Variants in CARMIL2 observed in about 807,000 individuals in gnomAD.
CARMIL2 encodes the protein capping protein regulator and myosin 1 linker 2, also known as capping protein, Arp2/3 and myosin-I linker protein 2.
A neutral mutation model predicts 173.3 loss-of-function variants in CARMIL2; 96 were observed. The ratio of observed to expected loss-of-function variants is 0.55; its 90% confidence interval spans 0.47 to 0.66. The LOEUF (loss-of-function observed/expected upper bound fraction) is 0.66, where lower values mean the gene tolerates loss of function less well. Among genes scored for constraint, CARMIL2 ranks in the 30% least tolerant of loss-of-function variants. CARMIL2 has a pLI of 0.00. For missense variants in CARMIL2, 1,771 were observed against 1,906.7 expected, an observed-to-expected ratio of 0.93 and a Z score of 1.33; for synonymous variants, 830 against 817.1, an observed-to-expected ratio of 1.02 and a Z score of -0.27.
At position 67,647,574 on chromosome 16, in the gene CARMIL2, C is replaced by T. The variant is rs2052619414; in HGVS notation, c.843C>T (p.Ser281=). Residue 281 remains serine (S), a synonymous_variant, in exon 11 of 38, where the codon AGC becomes AGT. Transcript: ENST00000334583. ...CAAGCTCTGGGCTGCGGGAGCTCAGCCTCGCGGGGAACCTGCTGGATGACC... is the reference window on the plus strand; with the variant it reads ...CAAGCTCTGGGCTGCGGGAGCTCAGTCTCGCGGGGAACCTGCTGGATGACC... The part of the protein sequence containing the change: ...GHSSSGLREL[S]LAGNLLDDRG... 4.3e-6 allele frequency: 7 copies of T among 1,611,120 alleles called. No homozygotes were observed. The highest frequency in any genetic ancestry group is 4.2e-6 in the Non-Finnish European group (5 of 1,178,894).
At chr16:67,647,236 G>T in intron 9 of CARMIL2, 45 bp downstream of exon 9, 1 of 1,611,986 alleles carries the variant, frequency 6.2e-7, no homozygotes, top group East Asian at 2.2e-5. Context: ...AAGGGTGTGG[G>T]CCAGGGTGCA....
At chr16:67,655,571 A>G (rs971411681) in intron 32 of CARMIL2, among the ~76,000 whole-genome samples, 1 of 151,990 alleles carries the variant, frequency 6.6e-6, no homozygotes, top group Non-Finnish European at 1.5e-5. Flanking sequence ...CCACCTTAAA[A>G]CCTCACTGCT....
At position 67,651,508 on chromosome 16, in the gene CARMIL2, C is replaced by A. The variant is rs1373857070; in HGVS notation, c.2421C>A (p.Asp807Glu). The change falls in exon 24 of 38, where the codon GAC becomes GAA. Residue 807 changes from aspartate (D) to glutamate (E), a missense_variant. Transcript: ENST00000334583. The surrounding 1 kb of genome is among the most constrained non-coding windows in gnomAD (Gnocchi z 4.2). The part of the protein sequence containing the change: ...LRQVGEVCRQ[D>E]IQDFTQATLD... ...AGGTGGGCGAGGTCTGCCGCCAGGACATCCAGGTGAGAGGGTACTCCTGCC... is the reference window on the plus strand; with the variant it reads ...AGGTGGGCGAGGTCTGCCGCCAGGAAATCCAGGTGAGAGGGTACTCCTGCC... The A allele has an allele frequency of 1.3e-6, 2 of 1,586,576 alleles. No individual in the cohort carries two copies. Among genetic ancestry groups the A allele is most frequent in the South Asian group, 1.2e-5 (1 of 86,238 alleles).
rs2052879280 is a variant in CARMIL2, at chr16:67,657,161, G to A, written c.4118-78G>A. Reference sequence around the variant, plus strand: ...GTGTGAGTGCATGCTTATGTGCACTGGAGGTGGAAGAGAGGGGCAGGGGAT... The same window carrying A: ...GTGTGAGTGCATGCTTATGTGCACTAGAGGTGGAAGAGAGGGGCAGGGGAT... On this transcript the variant is annotated intron_variant, in intron 36 of 37. Coordinates refer to ENST00000334583, the MANE Select transcript of CARMIL2 (RefSeq NM_001013838.3). This position sits in a 1 kb window ranked among gnomAD's most constrained non-coding sequence, Gnocchi z 4.5. The A allele has an allele frequency of 2.3e-6, 3 of 1,289,156 alleles. No homozygotes were observed. Among genetic ancestry groups the A allele is most frequent in the East Asian group, 2.5e-5 (1 of 40,506 alleles). The allele number at this position is 1,289,156 out of a possible 1,614,324, so 79.9% of individuals were successfully genotyped here.
In CARMIL2 at chr16:67,648,845, C is replaced by G. The variant is rs2052655796; in HGVS notation, c.1510-48C>G. On this transcript the variant is annotated intron_variant, in intron 16 of 37. Coordinates refer to ENST00000334583, the MANE Select transcript of CARMIL2 (RefSeq NM_001013838.3). This position sits in a 1 kb window ranked among gnomAD's most constrained non-coding sequence, Gnocchi z 6.1. ...CGTGGGCCGCCTGCCCCTCCCCACT[C>G]GCGGCCTAAGTGGGTCCCACTTCCC... 1 of 1,573,696 alleles carries G rather than the reference C, an allele frequency of 6.4e-7. No homozygotes were observed. The highest frequency in any genetic ancestry group is 8.6e-7 in the Non-Finnish European group (1 of 1,159,464).
In CARMIL2 at chr16:67,649,703, A is replaced by G; in HGVS notation, c.1919+84A>G. ...CCGGGCTAAGGGGAGGGACTGAATG[A>G]GGCGGAGCAAATGGAGCAGGCTGAC... On this transcript the variant is annotated intron_variant, in intron 20 of 37. Transcript: ENST00000334583. This position sits in a 1 kb window ranked among gnomAD's most constrained non-coding sequence, Gnocchi z 6.7. 1 of 1,561,884 alleles carries G rather than the reference A, an allele frequency of 6.4e-7. No homozygotes were observed. The highest frequency in any genetic ancestry group is 8.7e-7 in the Non-Finnish European group (1 of 1,154,470).
intron 1 of CARMIL2, 50 bp downstream of exon 1, chr16:67,645,336 C>A (rs745692800): frequency 1.9e-6 from 3 of 1,565,598 alleles, no homozygotes; most frequent in Non-Finnish European, 2.6e-6. Flanking sequence ...GTAGTGCAGC[C>A]CCAAAATCAG....
rs1444541090 is a variant in CARMIL2, at chr16:67,654,670, C to T, written c.3560C>T (p.Thr1187Met). ...CTGCTGCCTGCCGAGGAGGAGGCAA[C>T]GCTGGGTGCCAGACCCGACAAGGTG... is the stretch of plus-strand genomic sequence containing the variant. Reference protein sequence around the residue: ...MILLPAEEEATLGARPDKRRP... With the variant: ...MILLPAEEEAMLGARPDKRRP... Residue 1187 changes from threonine (T) to methionine (M), a missense_variant, in exon 31 of 38, where the codon ACG becomes ATG. This residue lies in a region of CARMIL2 where 817 missense variants were observed against 903.5 expected (regional missense o/e 0.90). Coordinates refer to ENST00000334583, the MANE Select transcript of CARMIL2 (RefSeq NM_001013838.3). 2.5e-6 allele frequency: 4 copies of T among 1,586,418 alleles called. No individual in the cohort carries two copies. Among genetic ancestry groups the T allele is most frequent in the Admixed American group, 1.7e-5 (1 of 57,256 alleles).
At position 67,657,201 on chromosome 16, in the gene CARMIL2, C is replaced by G; in HGVS notation, c.4118-38C>G. ...GGGCAGGGGATGGACAGACCCCAAG[C>G]CTTAGCAACCCACCCCAAGCCTTTC... On this transcript the variant is annotated intron_variant, in intron 36 of 37. Transcript: ENST00000334583. This position sits in a 1 kb window ranked among gnomAD's most constrained non-coding sequence, Gnocchi z 4.5. 1 of 1,589,292 alleles carries G rather than the reference C, an allele frequency of 6.3e-7. No homozygotes were observed. The highest frequency in any genetic ancestry group is 8.6e-7 in the Non-Finnish European group (1 of 1,160,910).
Position 67,648,644 on chromosome 16 carries a change from C to A in CARMIL2, c.1440-41C>A. 6.4e-7 allele frequency: 1 copy of A among 1,572,082 alleles called. No individual in the cohort carries two copies. Among genetic ancestry groups the A allele is most frequent in the Non-Finnish European group, 8.6e-7 (1 of 1,156,552 alleles). On this transcript the variant is annotated intron_variant, in intron 15 of 37. Transcript: ENST00000334583. The surrounding 1 kb of genome is among the most constrained non-coding windows in gnomAD (Gnocchi z 6.1). ...TCCTTCGTTCGCACCCTGGAGCCCCCTGTCCCAGCTCCCGCCACCCCGTGT... is the reference window on the plus strand; with the variant it reads ...TCCTTCGTTCGCACCCTGGAGCCCCATGTCCCAGCTCCCGCCACCCCGTGT...
Position 67,646,181 on chromosome 16 carries a change from C to G in CARMIL2, c.250-5C>G. The G allele has an allele frequency of 6.2e-7, 1 of 1,613,772 alleles. No homozygotes were observed. Among genetic ancestry groups the G allele is most frequent in the Non-Finnish European group, 8.5e-7 (1 of 1,179,842 alleles). On this transcript the variant is annotated splice_polypyrimidine_tract_variant and splice_region_variant and intron_variant, in intron 4 of 37. Coordinates refer to ENST00000334583, the MANE Select transcript of CARMIL2 (RefSeq NM_001013838.3). This position sits in a 1 kb window ranked among gnomAD's most constrained non-coding sequence, Gnocchi z 4.6. ...AGCCGAGGCCTAGTAGTGCCCCTTC[C>G]CTAGGTCACCTTTGAGCTGGAGTCC... is the stretch of plus-strand genomic sequence containing the variant.
chr16:67,647,258 G>C (rs752316687), intron 9 of CARMIL2, 41 bp from the exon 10 acceptor site: 2 of 1,611,348 alleles, frequency 1.2e-6, no homozygotes, highest in African/African-American at 1.3e-5. Flanking sequence ...CCCGCTGAGG[G>C]CCAGGGTGCA....
chr16:67,649,654 G>A lies in CARMIL2; in HGVS notation c.1919+35G>A. 1 of 1,566,722 alleles carries A rather than the reference G, an allele frequency of 6.4e-7. No individual in the cohort carries two copies. The highest frequency in any genetic ancestry group is 8.6e-7 in the Non-Finnish European group (1 of 1,160,868). ...GTCAGAGGGGTGGGACCAGCGGGCA[G>A]GGGGCGCGGTGGAGAGGAGGGCACC... On this transcript the variant is annotated intron_variant, in intron 20 of 37. Transcript: ENST00000334583. The surrounding 1 kb of genome is among the most constrained non-coding windows in gnomAD (Gnocchi z 6.7).
In CARMIL2 at chr16:67,649,248, C is replaced by G; in HGVS notation, c.1689-6C>G. ...TGTCCCCCACAACTGCGGCCCCTGC[C>G]CACAGGGAGACCCTGGACGACGTCC... On this transcript the variant is annotated splice_region_variant and splice_polypyrimidine_tract_variant and intron_variant, in intron 18 of 37. Transcript: ENST00000334583. This position sits in a 1 kb window ranked among gnomAD's most constrained non-coding sequence, Gnocchi z 6.7. The G allele has an allele frequency of 6.2e-7, 1 of 1,613,468 alleles. No individual in the cohort carries two copies.
At position 67,657,222 on chromosome 16, in the gene CARMIL2, C is replaced by A. The variant is rs1369466239; in HGVS notation, c.4118-17C>A. The A allele has an allele frequency of 1.2e-6, 2 of 1,612,602 alleles. No individual in the cohort carries two copies. The highest frequency in any genetic ancestry group is 1.7e-6 in the Non-Finnish European group (2 of 1,179,264). ...CAAGCCTTAGCAACCCACCCCAAGC[C>A]TTTCTGTGTCCCTTAGAACGGCCCC... On this transcript the variant is annotated splice_polypyrimidine_tract_variant and intron_variant, in intron 36 of 37. Coordinates refer to ENST00000334583, the MANE Select transcript of CARMIL2 (RefSeq NM_001013838.3). This position sits in a 1 kb window ranked among gnomAD's most constrained non-coding sequence, Gnocchi z 4.5.
Position 67,657,485 on chromosome 16 carries a change from C to T in CARMIL2, c.4275C>T (p.Ala1425=). The change falls in exon 38 of 38, where the codon GCC becomes GCT. Residue 1425 remains alanine, a synonymous_variant. Transcript: ENST00000334583. This position sits in a 1 kb window ranked among gnomAD's most constrained non-coding sequence, Gnocchi z 4.5. ...SSPERSPPSP[A]TDQRGGGPNP is the part of the protein sequence containing the mutation. ...CTGAGCGGAGCCCACCCTCCCCAGC[C>T]ACAGACCAAAGAGGCGGCGGCCCCA... The T allele has an allele frequency of 6.2e-7, 1 of 1,612,864 alleles. No individual in the cohort carries two copies. Among genetic ancestry groups the T allele is most frequent in the Non-Finnish European group, 8.5e-7 (1 of 1,179,404 alleles).
chr16:67,648,993 C>T lies in CARMIL2; in HGVS notation c.1591+19C>T. ...GATAACGGTGAGGCTGCAGGAGAGC[C>T]CATCCTCGCATCATCCACTCGATTC... On this transcript the variant is annotated intron_variant, in intron 17 of 37. Coordinates refer to ENST00000334583, the MANE Select transcript of CARMIL2 (RefSeq NM_001013838.3). The surrounding 1 kb of genome is among the most constrained non-coding windows in gnomAD (Gnocchi z 6.1). The T allele has an allele frequency of 6.2e-7, 1 of 1,604,734 alleles. No homozygotes were observed. Among genetic ancestry groups the T allele is most frequent in the Non-Finnish European group, 8.5e-7 (1 of 1,176,158 alleles).
intron 32 of CARMIL2, among the ~76,000 whole-genome samples, chr16:67,655,617 G>A (rs559638344): frequency 1.6e-3 from 244 of 152,026 alleles, no homozygotes; most frequent in African/African-American, 5.6e-3. Flanking sequence ...CTCCACACAC[G>A]TCCCTGGGTG....
At position 67,649,634 on chromosome 16, in the gene CARMIL2, A is replaced by C. The variant is rs1239665690; in HGVS notation, c.1919+15A>C. 1.6e-6 allele frequency: 2 copies of C among 1,219,736 alleles called. No individual in the cohort carries two copies. The highest frequency in any genetic ancestry group is 2.3e-6 in the Non-Finnish European group (2 of 879,876). The allele number at this position is 1,219,736 out of a possible 1,614,324, so 75.6% of individuals were successfully genotyped here. On this transcript the variant is annotated intron_variant, in intron 20 of 37. Coordinates refer to ENST00000334583, the MANE Select transcript of CARMIL2 (RefSeq NM_001013838.3). The surrounding 1 kb of genome is among the most constrained non-coding windows in gnomAD (Gnocchi z 6.7). ...TCGAGGCTCCGGTGGGCGGGGTCAG[A>C]GGGGTGGGACCAGCGGGCAGGGGGC...
Sources: gnomAD v4.1 joint callset for allele counts (sites outside exome capture counted in the v4.1 genomes callset) on GRCh38, gnomAD v4.1.1 for gene constraint, gnomAD v4.1.1 regional missense constraint, Gnocchi (gnomAD v3.1) non-coding constraint, MANE v1.5 for transcripts, NCBI Gene and HGNC (gene_info 2026-07-23, HGNC 2026-07-21) for gene names.